NDUFC1: variants seen among roughly 807,000 people sequenced by gnomAD.
NDUFC1 encodes NADH:ubiquinone oxidoreductase subunit C1, also known as NADH dehydrogenase [ubiquinone] 1 subunit C1, mitochondrial.
A neutral mutation model predicts 11.6 loss-of-function variants in NDUFC1; 11 were observed. That is an observed-to-expected ratio of 0.95 (90% confidence interval 0.60 to 1.58). The LOEUF is 1.58. Among genes scored for constraint, NDUFC1 ranks in the 40% most tolerant of loss-of-function variants. NDUFC1 has a pLI of 0.00. For missense variants in NDUFC1, 112 were observed against 93.0 expected (o/e 1.20, Z -0.84); for synonymous variants, 52 against 42.2 (o/e 1.23, Z -0.90).
intron 2 of NDUFC1, among the ~76,000 whole-genome samples, chr4:139,297,040 C>G (rs1053455363): frequency 5.9e-5 from 9 of 152,230 alleles, no homozygotes; most frequent in African/African-American, 2.2e-4. Context: ...AGTTTGTAAC[C>G]TAGTTTGAGC....
intron 3 of NDUFC1, 44 bp downstream of exon 3, chr4:139,295,688 G>A (rs758526578): frequency 4.6e-6 from 7 of 1,528,858 alleles, no homozygotes; most frequent in African/African-American, 1.4e-5. Flanking sequence ...CCTTAGGAGG[G>A]GTAATCTGAG....
intron 5 of NDUFC1, among the ~76,000 whole-genome samples, chr4:139,290,582 T>C (rs957135416): frequency 2.0e-5 from 3 of 152,098 alleles, no homozygotes; most frequent in Non-Finnish European, 4.4e-5. Context: ...GGATAGTCTG[T>C]GATCGCTATG....
intron 5 of NDUFC1, among the ~76,000 whole-genome samples, chr4:139,290,918 C>T (rs867782869): frequency 1.1e-4 from 16 of 151,896 alleles, no homozygotes; most frequent in Middle Eastern, 3.4e-3. Flanking sequence ...AAGCAATTAT[C>T]GTGCCTCAGC....
At chr4:139,299,934 T>G (rs1745638806) in intron 1 of NDUFC1, among the ~76,000 whole-genome samples, 1 of 152,162 alleles carries the variant, frequency 6.6e-6, no homozygotes, top group Admixed American at 6.6e-5. Flanking sequence ...GCTGTAGGGA[T>G]TTTTGGATAT....
chr4:139,301,498 C>T, intron 1 of NDUFC1: 1 of 449,702 alleles, frequency 2.2e-6, no homozygotes. Context: ...TCCGCGTCCG[C>T]CATTTTGGCT....
At chr4:139,297,622 G>C (rs1161740549) in intron 1 of NDUFC1, among the ~76,000 whole-genome samples, 179 bp from the exon 2 acceptor site, 1 of 152,158 alleles carries the variant, frequency 6.6e-6, no homozygotes, top group Non-Finnish European at 1.5e-5. Flanking sequence ...CAAAGTTTCA[G>C]TCCAAGATTT....
intron 1 of NDUFC1, among the ~76,000 whole-genome samples, chr4:139,300,068 G>C (rs1253792392): frequency 6.6e-6 from 1 of 152,138 alleles, no homozygotes; most frequent in Non-Finnish European, 1.5e-5. Context: ...TTGGGGCAGT[G>C]AATTTTGCAG....
chr4:139,295,049 C>A lies in NDUFC1; in HGVS notation c.165G>T (p.Trp55Cys), dbSNP rs201035643. The A allele has an allele frequency of 1.2e-6, 2 of 1,613,656 alleles. No homozygotes were observed. The highest frequency in any genetic ancestry group is 4.5e-5 in the East Asian group (2 of 44,884). ...GFTLGTTVFL[W>C]IYLIKQHNED... ...CCGGGAGTAAAGTACTTACATAGAT[C>A]CACAAGAAGACAGTGGTGCCCAAGG... is the stretch of plus-strand genomic sequence containing the variant. The change falls in exon 4 of 6, where the codon TGG becomes TGT. Residue 55 changes from tryptophan (W) to cysteine (C), a missense_variant. Trp to Cys is a radical substitution (Grantham distance 215). Transcript: ENST00000394223.
chr4:139,292,100 G>A (rs1419460151), intron 5 of NDUFC1, among the ~76,000 whole-genome samples: 4 of 152,200 alleles, frequency 2.6e-5, no homozygotes, highest in African/African-American at 9.6e-5. Flanking sequence ...GCCTCCCAAA[G>A]TGCTGGGATT....
In NDUFC1 at chr4:139,297,032, T is replaced by C. The variant is rs529307894; in HGVS notation, c.-163+353A>G. ...ATTGCTAAATTGTGAGTCACTTTAG[T>C]TTGTAACCTAGTTTGAGCCTCCTGG... is the stretch of plus-strand genomic sequence containing the variant. On this transcript the variant is annotated intron_variant, in intron 2 of 5. Coordinates refer to ENST00000394223, the MANE Select transcript of NDUFC1 (RefSeq NM_001184989.2). Among the ~76,000 whole-genome samples, 91 of 152,332 alleles carry C rather than the reference T, an allele frequency of 6.0e-4. 2 individuals are homozygous for C. The South Asian group carries it at 0.019, about 32-fold the overall frequency.
In NDUFC1 at chr4:139,301,984, C is replaced by G. The variant is rs1365700256; in HGVS notation, c.-222+432G>C. On this transcript the variant is annotated intron_variant, in intron 1 of 5. Coordinates refer to ENST00000394223, the MANE Select transcript of NDUFC1 (RefSeq NM_001184989.2). ...GGCCGAATGCATTGCTTTGCTCCCT[C>G]TCTGTGGTTCCTACTATGGCCCGCG... 7.7e-6 allele frequency: 6 copies of G among 778,234 alleles called. No homozygotes were observed. The East Asian group carries it at 1.3e-4, about 16-fold the overall frequency. The allele number at this position is 778,234 out of a possible 1,614,324, so 48.2% of individuals were successfully genotyped here. A position where few individuals can be genotyped will look rare whatever the true frequency, so the allele number is the denominator to read the frequency against.
At chr4:139,294,597 T>TGGTGGCGGGCGC (rs2110767979) in intron 4 of NDUFC1, among the ~76,000 whole-genome samples, 1 of 151,730 alleles carries the variant, frequency 6.6e-6, no homozygotes, top group Admixed American at 6.6e-5. Context: ...TAGCCGGGCG[T>TGGTGGCGGGCGC]GGTGGCGGGC....
chr4:139,301,665 C>G, intron 1 of NDUFC1: 1 of 1,248,858 alleles, frequency 8.0e-7, no homozygotes. Context: ...CTGGTGGTGG[C>G]GGCGGATCGA....
chr4:139,300,840 C>T (rs1435765575), intron 1 of NDUFC1: 2 of 152,214 alleles, frequency 1.3e-5, no homozygotes, highest in Non-Finnish European at 2.9e-5. Flanking sequence ...ATTATATGGC[C>T]TCAACAACGA....
chr4:139,295,755 GC>G lies in NDUFC1; in HGVS notation c.43del (p.Ala15ProfsTer28). 1 of 1,552,096 alleles carries G rather than the reference GC, an allele frequency of 6.4e-7. No homozygotes were observed. Among genetic ancestry groups the G allele is most frequent in the Non-Finnish European group, 8.7e-7 (1 of 1,149,672 alleles). On this transcript the variant is annotated frameshift_variant, in exon 3 of 6. Coordinates refer to ENST00000394223, the MANE Select transcript of NDUFC1 (RefSeq NM_001184989.2). LOFTEE classifies it high-confidence loss of function. ...ALLRPLSRLLAPARLPSGPSV... is the reference protein window; with the variant it reads ...ALLRPLSRLLXPARLPSGPSV... Reference sequence around the variant, plus strand: ...ACGGCCGCTCGGGAGCCTGGCGGGGGCCAGCAGCCGGGAAAGGGGACGCAGC... The same window carrying G: ...ACGGCCGCTCGGGAGCCTGGCGGGGGCAGCAGCCGGGAAAGGGGACGCAGC...
At chr4:139,294,265 G>A (rs1050046557) in intron 4 of NDUFC1, among the ~76,000 whole-genome samples, 2 of 151,796 alleles carry the variant, frequency 1.3e-5, no homozygotes, top group East Asian at 1.9e-4. Flanking sequence ...TAAAAAGGTC[G>A]CTACACACTA....
At chr4:139,297,497 T>A (rs978309115) in intron 1 of NDUFC1, 54 bp from the exon 2 acceptor site, 4 of 152,292 alleles carry the variant, frequency 2.6e-5, no homozygotes, top group African/African-American at 9.6e-5. Flanking sequence ...ATCTATAATA[T>A]TTTGTTAGAA....
rs181073874 is a variant in NDUFC1, at chr4:139,298,566, C to T, written c.-221-1123G>A. ...CCCAGGAGTTCAAGAGTAGCCTGGGCAACATTGAGAAATCCTGTCTATACA... is the reference window on the plus strand; with the variant it reads ...CCCAGGAGTTCAAGAGTAGCCTGGGTAACATTGAGAAATCCTGTCTATACA... On this transcript the variant is annotated intron_variant, in intron 1 of 5. Transcript: ENST00000394223. Among the ~76,000 whole-genome samples, 108 of 151,860 alleles carry T rather than the reference C, an allele frequency of 7.1e-4. No individual in the cohort carries two copies. The East Asian group carries it at 0.016, about 22-fold the overall frequency.
chr4:139,294,930 A>G, intron 4 of NDUFC1, 113 bp downstream of exon 4: 1 of 721,392 alleles, frequency 1.4e-6, no homozygotes, highest in Admixed American at 2.2e-5. Context: ...TCCTACTGTT[A>G]TGAGAGTTTC....
Sources: gnomAD v4.1 joint callset for allele counts (sites outside exome capture counted in the v4.1 genomes callset) on GRCh38, gnomAD v4.1.1 for gene constraint, MANE v1.5 for transcripts, NCBI Gene and HGNC (gene_info 2026-07-23, HGNC 2026-07-21) for gene names.